Variants in MAMDC2 observed in about 807,000 individuals in gnomAD.
The protein encoded by MAMDC2 is MAM domain-containing protein 2.
MAMDC2 carries 57 observed loss-of-function variants against 89.8 expected under a neutral mutation model. The ratio of observed to expected loss-of-function variants is 0.63; its 90% confidence interval spans 0.51 to 0.79. MAMDC2 has a LOEUF of 0.79. Ranked by LOEUF, MAMDC2 falls within the 30% of genes least tolerant of loss-of-function variation. The pLI, the probability that MAMDC2 is intolerant of heterozygous loss-of-function variation, is 0.00. For missense variants in MAMDC2, 800 were observed against 820.6 expected (o/e 0.97, Z 0.31); for synonymous variants, 313 against 293.4 (o/e 1.07, Z -0.68).
chr9:70,100,001 A>C (rs1392184716), intron 2 of MAMDC2, among the ~76,000 whole-genome samples: 2 of 147,612 alleles, frequency 1.4e-5, no homozygotes, highest in Non-Finnish European at 3.0e-5. Flanking sequence ...AGAGAGAGAG[A>C]GAGAGAGAGA....
chr9:70,225,965 C>T lies in MAMDC2; in HGVS notation c.1997-3C>T. 6.4e-7 allele frequency: 1 copy of T among 1,565,204 alleles called. No homozygotes were observed. The highest frequency in any genetic ancestry group is 8.7e-7 in the Non-Finnish European group (1 of 1,147,742). On this transcript the variant is annotated splice_polypyrimidine_tract_variant and splice_region_variant and intron_variant, in intron 13 of 13. Coordinates refer to ENST00000377182, the MANE Select transcript of MAMDC2 (RefSeq NM_153267.5). The stretch of plus-strand genomic sequence containing the variant: ...GTTATTGTATATTTGTCTTTCCTGA[C>T]AGAAATGGAAGATACAACTCAACAA...
chr9:70,161,403 A>G (rs898897559), intron 9 of MAMDC2, among the ~76,000 whole-genome samples: 1 of 152,252 alleles, frequency 6.6e-6, no homozygotes, highest in Non-Finnish European at 1.5e-5. Context: ...GGTCTTTTAA[A>G]AAAGAAAAAA....
intron 2 of MAMDC2, among the ~76,000 whole-genome samples, chr9:70,100,016 G>C (rs1828135445): frequency 7.1e-6 from 1 of 140,682 alleles, no homozygotes; most frequent in East Asian, 2.1e-4. Context: ...GAGAGAGAGA[G>C]AGAGAGAGCA....
At chr9:70,141,616 A>C (rs1462987595) in intron 8 of MAMDC2, among the ~76,000 whole-genome samples, 1 of 152,174 alleles carries the variant, frequency 6.6e-6, no homozygotes, top group Non-Finnish European at 1.5e-5. Context: ...AAAAAATACA[A>C]ATTTTATTTA....
chr9:70,195,349 G>A (rs1348699094), intron 11 of MAMDC2, among the ~76,000 whole-genome samples: 2 of 152,066 alleles, frequency 1.3e-5, no homozygotes, highest in African/African-American at 4.8e-5. Flanking sequence ...TGGGATGGAT[G>A]CTGCAGGATT....
chr9:70,226,158 C>CT lies in MAMDC2; in HGVS notation c.*127dup. ...AGTTATAAAATGACTTTAGAGCACC[C>CT]TCCTTCATTACTTTTGCAAAAACAT... On this transcript the variant is annotated 3_prime_UTR_variant, in exon 14 of 14. Coordinates refer to ENST00000377182, the MANE Select transcript of MAMDC2 (RefSeq NM_153267.5). The CT allele has an allele frequency of 1.9e-6, 1 of 533,436 alleles. No homozygotes were observed. The highest frequency in any genetic ancestry group is 3.2e-6 in the Non-Finnish European group (1 of 311,640). 33.0% of individuals were successfully genotyped at this position (533,436 alleles called of 1,614,324 possible). A position where few individuals can be genotyped will look rare whatever the true frequency, so the allele number is the denominator to read the frequency against.
intron 11 of MAMDC2, among the ~76,000 whole-genome samples, chr9:70,196,472 A>G (rs1349495337): frequency 2.0e-5 from 3 of 152,240 alleles, no homozygotes; most frequent in East Asian, 3.9e-4. Context: ...GAAAGCATTG[A>G]GACTACATGA....
chr9:70,210,930 TTTTC>T (rs1437874920), intron 11 of MAMDC2, among the ~76,000 whole-genome samples: 1 of 152,238 alleles, frequency 6.6e-6, no homozygotes, highest in African/African-American at 2.4e-5. Context: ...TTGAAAATTC[TTTTC>T]TTTAAGAATG....
At chr9:70,134,027 C>A (rs2030910847) in intron 7 of MAMDC2, among the ~76,000 whole-genome samples, 1 of 152,092 alleles carries the variant, frequency 6.6e-6, no homozygotes, top group Non-Finnish European at 1.5e-5. Flanking sequence ...TAGTTTATGC[C>A]CTTCTGTTTC....
intron 2 of MAMDC2, among the ~76,000 whole-genome samples, chr9:70,057,218 GCTAA>G (rs1200775004): frequency 2.0e-5 from 3 of 152,088 alleles, no homozygotes; most frequent in Non-Finnish European, 4.4e-5. Flanking sequence ...AGAAAATTCT[GCTAA>G]CTGTTAGAAA....
chr9:70,131,419 T>C (rs2030799171), intron 6 of MAMDC2, 100 bp from the exon 7 acceptor site: 3 of 777,892 alleles, frequency 3.9e-6, no homozygotes, highest in South Asian at 3.6e-5. Flanking sequence ...GTAACTTGGC[T>C]TCATCTGGTT....
intron 2 of MAMDC2, among the ~76,000 whole-genome samples, chr9:70,089,431 A>G (rs965113394): frequency 2.6e-5 from 4 of 152,150 alleles, no homozygotes; most frequent in African/African-American, 9.7e-5. Context: ...AATTTTTTGC[A>G]TCTTAAAAAT....
rs774881685 is a variant in MAMDC2 at position 70,131,535 on chromosome 9, C to A, written c.917C>A (p.Ala306Asp). ...CCTCTGCAGGTTATTTTTGAAGTTG[C>A]TTTCAATGGTCCCAAGGGAGGTTAT... is the stretch of plus-strand genomic sequence containing the variant. ...PYPMEVIFEVAFNGPKGGYVA... is the reference protein window; with the variant it reads ...PYPMEVIFEVDFNGPKGGYVA... The change falls in exon 7 of 14, where the codon GCT becomes GAT. Residue 306 changes from alanine to aspartate, a missense_variant. Physicochemically the swap from Ala to Asp is moderately radical, Grantham distance 126 (BLOSUM62 -2). Coordinates refer to ENST00000377182, the MANE Select transcript of MAMDC2 (RefSeq NM_153267.5). 89 of 1,600,114 alleles carry A rather than the reference C, an allele frequency of 5.6e-5. 1 individual carries two copies. The Admixed American group carries it at 1.6e-3, about 28-fold the overall frequency.
intron 11 of MAMDC2, among the ~76,000 whole-genome samples, chr9:70,211,349 G>A (rs879564424): frequency 1.1e-4 from 17 of 151,716 alleles, no homozygotes; most frequent in Non-Finnish European, 2.1e-4. Context: ...TTCTCTAAAC[G>A]TCTCTTCTCA....
At chr9:70,140,605 C>A (rs1330692903) in intron 8 of MAMDC2, among the ~76,000 whole-genome samples, 1 of 152,004 alleles carries the variant, frequency 6.6e-6, no homozygotes, top group East Asian at 1.9e-4. Flanking sequence ...AGACATATTC[C>A]TACAGATAAA....
intron 4 of MAMDC2, among the ~76,000 whole-genome samples, chr9:70,110,833 C>T (rs1472907722): frequency 6.6e-6 from 1 of 152,124 alleles, no homozygotes; most frequent in African/African-American, 2.4e-5. Flanking sequence ...GAGGGTAATA[C>T]TGAATTAGCA....
intron 2 of MAMDC2, among the ~76,000 whole-genome samples, chr9:70,056,612 C>T (rs1233994030): frequency 2.0e-5 from 3 of 152,084 alleles, no homozygotes; most frequent in Non-Finnish European, 4.4e-5. Flanking sequence ...TGGCACGCGG[C>T]GTGATTCATT....
At chr9:70,112,844 G>T in intron 4 of MAMDC2, 151 bp from the exon 5 acceptor site, 3 of 868,916 alleles carry the variant, frequency 3.5e-6, no homozygotes, top group Non-Finnish European at 5.4e-6. Context: ...CTCTCTTCTT[G>T]GCCAAAATTG....
chr9:70,199,737 G>A (rs1166922278), intron 11 of MAMDC2, among the ~76,000 whole-genome samples: 41 of 122,336 alleles, frequency 3.4e-4, no homozygotes, highest in South Asian at 9.7e-4. Context: ...TTTAATGATT[G>A]CCATTCTAAC....
Sources: gnomAD v4.1 joint callset for allele counts (sites outside exome capture counted in the v4.1 genomes callset) on GRCh38, gnomAD v4.1.1 for gene constraint, MANE v1.5 for transcripts, NCBI Gene and HGNC (gene_info 2026-07-23, HGNC 2026-07-21) for gene names.